Variants in MGAM observed in about 807,000 individuals in gnomAD.
MGAM encodes alpha-1,4-glucosidase.
In MGAM, 253 loss-of-function variants were observed where a neutral mutation model predicts 358.8. That is an observed-to-expected ratio of 0.71 (90% CI 0.64 to 0.78). The LOEUF (loss-of-function observed/expected upper bound fraction) is 0.78. Among genes scored for constraint, MGAM ranks in the 30% least tolerant of loss-of-function variants. MGAM has a pLI of 0.00. For synonymous variants in MGAM, 1,105 were observed against 1,227.1 expected (o/e 0.90, Z 2.08); for missense variants, 3,080 against 3,432.6 (o/e 0.90, Z 2.57).
chr7:142,095,974 C>A (rs1429587428), intron 64 of MGAM: 2 of 625,484 alleles, frequency 3.2e-6, no homozygotes, highest in East Asian at 2.8e-5. Flanking sequence ...GTGCAAAGGC[C>A]TATCTATCTT....
chr7:142,100,329 A>G (rs1816330644), intron 67 of MGAM, among the ~76,000 whole-genome samples: 1 of 152,224 alleles, frequency 6.6e-6, no homozygotes, highest in African/African-American at 2.4e-5. Context: ...TCACACAGCT[A>G]CTAAGTACAT....
At chr7:142,041,999 T>TTA (rs1554469073) in intron 21 of MGAM, among the ~76,000 whole-genome samples, 42 of 11,998 alleles carry the variant, frequency 3.5e-3, no homozygotes, top group African/African-American at 0.017. Context: ...TATATATATA[T>TTA]TATATATATA....
rs528761990 is a variant in MGAM at position 142,103,411 on chromosome 7, C to T, written c.8156C>T (p.Pro2719Leu). 38 of 1,607,708 alleles carry T rather than the reference C, an allele frequency of 2.4e-5. 1 individual carries two copies. Among genetic ancestry groups the T allele is most frequent in the Admixed American group, 8.6e-5 (5 of 58,424 alleles). Residue 2719 changes from proline to leucine, a missense_variant, in exon 70 of 71, where the codon CCC (proline) becomes CTC (leucine). By Grantham distance (98) the Pro-to-Leu change is moderately conservative. Around this residue, in one of 5 missense-constraint regions of MGAM, gnomAD observed 194 missense variants for 172.8 expected, o/e 1.12. Coordinates refer to ENST00000475668, the MANE Select transcript of MGAM (RefSeq NM_001365693.1). Reference sequence around the variant, plus strand: ...TCTGTGAGTGGCATGGTCATAACACCCTCCTTCAACAATGACCCCACGACA... The same window carrying T: ...TCTGTGAGTGGCATGGTCATAACACTCTCCTTCAACAATGACCCCACGACA... Reference protein sequence around the residue: ...SISVSGMVITPSFNNDPTTQV... With the variant: ...SISVSGMVITLSFNNDPTTQV...
chr7:142,044,604 AAT>A (rs1809766833), intron 21 of MGAM, among the ~76,000 whole-genome samples: 1 of 125,834 alleles, frequency 7.9e-6, no homozygotes, highest in African/African-American at 2.9e-5. Flanking sequence ...ATACACGTGT[AAT>A]ATATGATATA....
chr7:142,025,115 C>A lies in MGAM; in HGVS notation c.948C>A (p.Ser316=), dbSNP rs782195553. ...GCCTTGAAGATGCTAGTGGATTGTC[C>A]TTTGGGGTGTTTCTGATGAACAGCA... is the stretch of plus-strand genomic sequence containing the variant. ...FLCLEDASGL[S]FGVFLMNSNA... Residue 316 remains serine (S), a synonymous_variant, in exon 8 of 71, where the codon TCC becomes TCA. Transcript: ENST00000475668. 4 of 1,613,112 alleles carry A rather than the reference C, an allele frequency of 2.5e-6. No homozygotes were observed. The highest frequency in any genetic ancestry group is 3.4e-6 in the Non-Finnish European group (4 of 1,179,202).
chr7:142,090,820 G>T lies in MGAM; in HGVS notation c.6811-1093G>T, dbSNP rs947965663. ...AACATTTATTTGCTGCTTCGAAGTG[G>T]TGTGAACCCACCATTAAACAGTGAG... On this transcript the variant is annotated intron_variant, in intron 57 of 70. Transcript: ENST00000475668. 6.8e-5 allele frequency among the ~76,000 whole-genome samples: 10 copies of T among 146,612 alleles called. 1 individual carries two copies. Among genetic ancestry groups the T allele is most frequent in the African/African-American group, 2.4e-4 (10 of 41,150 alleles).
In MGAM at chr7:142,022,381, G is replaced by T. The variant is rs1272804758; in HGVS notation, c.824G>T (p.Arg275Leu). ...GLGEHVHQQY[R>L]HDMNWKTWPI... ...GGAGAGCATGTGCACCAGCAGTATCGGCATGATATGAATTGGAAGACCTGG... is the reference window on the plus strand; with the variant it reads ...GGAGAGCATGTGCACCAGCAGTATCTGCATGATATGAATTGGAAGACCTGG... The change falls in exon 7 of 71, where the codon CGG becomes CTG. Residue 275 changes from arginine (R) to leucine (L), a missense_variant. Coordinates refer to ENST00000475668, the MANE Select transcript of MGAM (RefSeq NM_001365693.1). The T allele has an allele frequency of 3.7e-6, 6 of 1,613,630 alleles. No homozygotes were observed. Among genetic ancestry groups the T allele is most frequent in the Non-Finnish European group, 5.1e-6 (6 of 1,179,712 alleles).
rs1811107356 is a variant in MGAM at position 142,052,643 on chromosome 7, A to T, written c.2959-141A>T. The T allele has an allele frequency of 5.3e-6, 7 of 1,317,040 alleles. No individual in the cohort carries two copies. The Middle Eastern group carries it at 6.4e-4, about 121-fold the overall frequency. The allele number at this position is 1,317,040 out of a possible 1,614,324, so 81.6% of individuals were successfully genotyped here. ...TGAATATTTTGCTTGGAGACAAGGAATTGAAATTTATGTTATTGCCAAGTG... is the reference window on the plus strand; with the variant it reads ...TGAATATTTTGCTTGGAGACAAGGATTTGAAATTTATGTTATTGCCAAGTG... On this transcript the variant is annotated intron_variant, in intron 25 of 70. Transcript: ENST00000475668.
chr7:142,022,205 A>G, intron 6 of MGAM, 63 bp from the exon 7 acceptor site: 2 of 1,463,812 alleles, frequency 1.4e-6, no homozygotes, highest in South Asian at 1.4e-5. Context: ...ACGCTTTTCT[A>G]AGCACTTACG....
chr7:142,065,428 C>T lies in MGAM; in HGVS notation c.4578C>T (p.Asp1526=). The change falls in exon 38 of 71, where the codon GAC becomes GAT. Residue 1526 remains aspartate, a synonymous_variant. Coordinates refer to ENST00000475668, the MANE Select transcript of MGAM (RefSeq NM_001365693.1). The stretch of plus-strand genomic sequence containing the variant: ...GCTGGGCAGGACATTGGCTGGGAGA[C>T]AACACGGCCGCATGGGATCAGCTGA... ...SGRWAGHWLG[D]NTAAWDQLKK... is the part of the protein sequence containing the mutation. 1 of 1,609,608 alleles carries T rather than the reference C, an allele frequency of 6.2e-7. No homozygotes were observed. The highest frequency in any genetic ancestry group is 1.7e-5 in the Admixed American group (1 of 59,204).
rs763739097 is a variant in MGAM at position 142,070,954 on chromosome 7, G to A, written c.5062-40G>A. 7.1e-6 allele frequency: 11 copies of A among 1,553,400 alleles called. 2 individuals carry two copies. The African/African-American group carries it at 8.1e-5, about 11-fold the overall frequency. On this transcript the variant is annotated intron_variant, in intron 43 of 70. Transcript: ENST00000475668. Reference sequence around the variant, plus strand: ...GGATGCATTGTTCAGGGAGGGGCCTGTCCTCTCCTTCATCATCTTTTACCT... The same window carrying A: ...GGATGCATTGTTCAGGGAGGGGCCTATCCTCTCCTTCATCATCTTTTACCT...
At chr7:142,047,686 A>T in intron 21 of MGAM, 99 bp from the exon 22 acceptor site, 1 of 1,106,210 alleles carries the variant, frequency 9.0e-7, no homozygotes, top group Non-Finnish European at 1.4e-6. Flanking sequence ...ATCTGCTGCT[A>T]GTAACTTTTC....
At chr7:142,080,690 A>G in intron 49 of MGAM, 101 bp from the exon 50 acceptor site, 1 of 1,063,058 alleles carries the variant, frequency 9.4e-7, no homozygotes, top group Non-Finnish European at 1.3e-6. Context: ...GAAGACAGAA[A>G]CATAGCATCT....
intron 3 of MGAM, among the ~76,000 whole-genome samples, chr7:142,012,932 A>G (rs1805707554): frequency 6.6e-6 from 1 of 152,114 alleles, no homozygotes; most frequent in South Asian, 2.1e-4. Context: ...GCTGCAAGAG[A>G]CAGAGGCAAA....
intron 21 of MGAM, among the ~76,000 whole-genome samples, chr7:142,045,158 AT>A (rs1638685878): frequency 1.1e-5 from 1 of 90,298 alleles, no homozygotes; most frequent in Non-Finnish European, 1.8e-5. Context: ...TATATGTGAT[AT>A]ATAATATATA....
chr7:142,066,835 A>T, intron 41 of MGAM, 114 bp downstream of exon 41: 3 of 1,243,654 alleles, frequency 2.4e-6, no homozygotes, highest in Non-Finnish European at 3.4e-6. Context: ...TTTTGACATG[A>T]GCTCTTCAGA....
Position 142,082,114 on chromosome 7 carries a change from G to A in MGAM, c.6075G>A (p.Lys2025=). 3.2e-6 allele frequency: 5 copies of A among 1,555,716 alleles called. 1 individual carries two copies. Among genetic ancestry groups the A allele is most frequent in the Non-Finnish European group, 4.4e-6 (5 of 1,132,348 alleles). The change falls in exon 51 of 71, where the codon AAG becomes AAA. Residue 2025 remains lysine (K), a synonymous_variant. Coordinates refer to ENST00000475668, the MANE Select transcript of MGAM (RefSeq NM_001365693.1). The part of the protein sequence containing the change: ...FIRISTRLPS[K]YLYGFGETEH... ...GCATCTCCACCCGCCTTCCCTCCAA[G>A]TACCTCTATGGCTTTGGGGAGACTG...
intron 23 of MGAM, 84 bp from the exon 24 acceptor site, chr7:142,050,613 G>A (rs1285792539): frequency 7.2e-7 from 1 of 1,389,332 alleles, no homozygotes; most frequent in Non-Finnish European, 1.0e-6. Flanking sequence ...GGGGTATCCG[G>A]TCTGGAATGG....
chr7:141,988,885 G>A (rs1554446753), intron 2 of MGAM, among the ~76,000 whole-genome samples: 1 of 152,156 alleles, frequency 6.6e-6, no homozygotes, highest in African/African-American at 2.4e-5. Flanking sequence ...ACATTTCTGG[G>A]CAGAGAAATT....
Sources: allele counts gnomAD v4.1 joint callset (sites outside exome capture counted in the v4.1 genomes callset), GRCh38; gene constraint gnomAD v4.1.1; regional missense constraint gnomAD v4.1.1; transcripts MANE v1.5; gene names NCBI Gene and HGNC (gene_info 2026-07-23, HGNC 2026-07-21).